Variants in FOLH1 observed in about 807,000 individuals in gnomAD.
The protein encoded by FOLH1 is glutamate carboxypeptidase 2.
Under a neutral mutation model 93.9 loss-of-function variants are expected in FOLH1, and 54 were observed. That is an observed-to-expected ratio of 0.57 (90% CI 0.46 to 0.72). FOLH1 has a LOEUF of 0.72. FOLH1 is among the 30% of genes least tolerant of loss of function. FOLH1 has a pLI of 0.00. For synonymous variants in FOLH1, 249 were observed against 303.6 expected (o/e 0.82, Z 1.87); for missense variants, 571 against 892.5 (o/e 0.64, Z 4.59).
chr11:49,203,301 G>T (rs1863484456), intron 2 of FOLH1, among the ~76,000 whole-genome samples: 1 of 152,188 alleles, frequency 6.6e-6, no homozygotes. Flanking sequence ...TCAACTGGGT[G>T]TTTTCAAAGA....
intron 2 of FOLH1, among the ~76,000 whole-genome samples, chr11:49,204,579 G>A (rs1590707380): frequency 6.6e-6 from 1 of 152,304 alleles, no homozygotes; most frequent in East Asian, 1.9e-4. Flanking sequence ...ACAACAGGCA[G>A]AGGAGGGTTT....
intron 4 of FOLH1, among the ~76,000 whole-genome samples, chr11:49,187,043 C>A (rs958372821): frequency 1.3e-5 from 2 of 150,674 alleles, no homozygotes; most frequent in Admixed American, 6.6e-5. Flanking sequence ...GCACCCCCCC[C>A]ACACACACAC....
intron 14 of FOLH1, 125 bp downstream of exon 14, chr11:49,157,819 GTAATGCTT>G (rs1857185490): frequency 1.3e-6 from 1 of 782,490 alleles, no homozygotes; most frequent in Admixed American, 3.3e-5. Context: ...GTGAACCAAA[GTAATGCTT>G]TTCTTTATCA....
chr11:49,147,106 T>C (rs1855858549), intron 18 of FOLH1, among the ~76,000 whole-genome samples, 161 bp from the exon 19 acceptor site: 1 of 152,180 alleles, frequency 6.6e-6, no homozygotes, highest in African/African-American at 2.4e-5. Context: ...GACTATTATA[T>C]GAAATCTATA....
chr11:49,194,164 A>G (rs1403158435), intron 3 of FOLH1, among the ~76,000 whole-genome samples: 2 of 151,682 alleles, frequency 1.3e-5, no homozygotes, highest in Admixed American at 6.6e-5. Flanking sequence ...AAGAACAACA[A>G]TATCCTTCAG....
chr11:49,191,967 T>A (rs1346058037), intron 4 of FOLH1, among the ~76,000 whole-genome samples: 1 of 152,266 alleles, frequency 6.6e-6, no homozygotes, highest in Non-Finnish European at 1.5e-5. Flanking sequence ...CCGGCCAACC[T>A]GTTTTTTTAT....
At position 49,157,986 on chromosome 11, in the gene FOLH1, T is replaced by A; in HGVS notation, c.1498A>T (p.Lys500Ter). The change falls in exon 14 of 19, where the codon AAA becomes TAA. Residue 500 changes from lysine to a stop codon, truncating the protein, a stop_gained. Transcript: ENST00000256999. LOFTEE classifies it high-confidence loss of function. ...CCACTGAACTCTGGGGAAGGACTTT[T>A]TTTAGTCCAACTTTCATAAAGAGAT... ...GKSLYESWTK[K>*]SPSPEFSGMP... 2 of 1,601,494 alleles carry A rather than the reference T, an allele frequency of 1.2e-6. No homozygotes were observed. Among genetic ancestry groups the A allele is most frequent in the East Asian group, 4.5e-5 (2 of 44,612 alleles).
chr11:49,171,410 C>A, intron 10 of FOLH1, 133 bp from the exon 11 acceptor site: 2 of 1,236,246 alleles, frequency 1.6e-6, no homozygotes, highest in East Asian at 2.7e-5. Context: ...AGTAAAAAAT[C>A]TTTACTTACG....
intron 3 of FOLH1, among the ~76,000 whole-genome samples, chr11:49,199,563 A>G (rs1863047067): frequency 6.6e-6 from 1 of 151,974 alleles, no homozygotes; most frequent in South Asian, 2.1e-4. Flanking sequence ...GGATCCGTGC[A>G]TTTCCCAGCA....
At chr11:49,163,324 G>A (rs1433013981) in intron 13 of FOLH1, among the ~76,000 whole-genome samples, 1 of 151,946 alleles carries the variant, frequency 6.6e-6, no homozygotes, top group Non-Finnish European at 1.5e-5. Context: ...GATGAGGAAC[G>A]TAGTTGGGGA....
Position 49,146,660 on chromosome 11 carries a change from A to T in FOLH1, c.*96T>A. 7 of 1,156,696 alleles carry T rather than the reference A, an allele frequency of 6.1e-6. No homozygotes were observed. The highest frequency in any genetic ancestry group is 7.1e-6 in the Non-Finnish European group (6 of 842,234). The allele number at this position is 1,156,696 out of a possible 1,614,324, so 71.7% of individuals were successfully genotyped here. ...TATATATAATATTCAACTTTATTTC[A>T]AATATACCAATTTTAAAATTTATCA... On this transcript the variant is annotated 3_prime_UTR_variant, in exon 19 of 19. Transcript: ENST00000256999.
At chr11:49,202,914 T>C (rs1227115193) in intron 2 of FOLH1, among the ~76,000 whole-genome samples, 1 of 152,186 alleles carries the variant, frequency 6.6e-6, no homozygotes, top group Non-Finnish European at 1.5e-5. Context: ...ATGATAATAA[T>C]AATTGAGATA....
intron 6 of FOLH1, among the ~76,000 whole-genome samples, chr11:49,184,930 A>T (rs1176465758): frequency 6.6e-6 from 1 of 152,164 alleles, no homozygotes; most frequent in Non-Finnish European, 1.5e-5. Flanking sequence ...TTTGAATCCA[A>T]CTGCCCATTC....
Position 49,156,760 on chromosome 11 carries a change from C to T in FOLH1, c.1580G>A (p.Arg527Gln), listed in dbSNP as rs1262353651. The T allele has an allele frequency of 2.5e-6, 4 of 1,612,600 alleles. No homozygotes were observed. The highest frequency in any genetic ancestry group is 2.7e-5 in the African/African-American group (2 of 74,828). Residue 527 changes from arginine (R) to glutamine (Q), a missense_variant, in exon 15 of 19, where the codon CGA becomes CAA. Arg to Gln is a conservative substitution (Grantham distance 43, BLOSUM62 1). Transcript: ENST00000256999. Reference sequence around the variant, plus strand: ...TGCTCTGCCTGAAGCAATTCCAAGTCGTTGGAAGAACACCTCAAAATCATT... The same window carrying T: ...TGCTCTGCCTGAAGCAATTCCAAGTTGTTGGAAGAACACCTCAAAATCATT... ...SGNDFEVFFQRLGIASGRARY... is the reference protein window; with the variant it reads ...SGNDFEVFFQQLGIASGRARY...
At chr11:49,206,381 A>C (rs1863957766) in intron 1 of FOLH1, 1 of 893,144 alleles carries the variant, frequency 1.1e-6, no homozygotes, top group Non-Finnish European at 1.7e-6. Flanking sequence ...ACCAATTGCA[A>C]AATATTTCTT....
chr11:49,207,678 C>A lies in FOLH1; in HGVS notation c.118+614G>T, dbSNP rs181038460. 5.4e-3 allele frequency: 1,859 copies of A among 346,220 alleles called. 9 individuals are homozygous for A. Among genetic ancestry groups the A allele is most frequent in the Middle Eastern group, 0.014 (14 of 988 alleles). The allele number at this position is 346,220 out of a possible 1,614,324, so 21.4% of individuals were successfully genotyped here. A position where few individuals can be genotyped will look rare whatever the true frequency, so the allele number is the denominator to read the frequency against. ...CCTCATCATAAAATAGGGTAACTAA[C>A]GCTGAGAGGGACTCGGTAACTTGTT... On this transcript the variant is annotated intron_variant, in intron 1 of 18. Coordinates refer to ENST00000256999, the MANE Select transcript of FOLH1 (RefSeq NM_004476.3).
chr11:49,160,514 C>T (rs1857573240), intron 13 of FOLH1, among the ~76,000 whole-genome samples: 1 of 151,962 alleles, frequency 6.6e-6, no homozygotes, highest in Admixed American at 6.6e-5. Flanking sequence ...GTGATCTCAG[C>T]TCACTGCAAC....
rs2134952199 is a variant in FOLH1, at chr11:49,158,980, T to C, written c.1441-937A>G. ...ATGCTAGCAATTTTTGTACATTGAT[T>C]TTGTATCCTGAGACTGCTATAGTTG... On this transcript the variant is annotated intron_variant, in intron 13 of 18. Transcript: ENST00000256999. Among the ~76,000 whole-genome samples the C allele has an allele frequency of 2.0e-5, 3 of 152,328 alleles. No individual in the cohort carries two copies. The South Asian group carries it at 6.2e-4, about 32-fold the overall frequency.
chr11:49,186,497 T>C (rs1451582407), intron 5 of FOLH1, 147 bp downstream of exon 5: 4 of 960,936 alleles, frequency 4.2e-6, no homozygotes, highest in African/African-American at 1.7e-5. Flanking sequence ...ACCTAGTAAA[T>C]GTGTCCTCTC....
Sources: allele counts gnomAD v4.1 joint callset (sites outside exome capture counted in the v4.1 genomes callset), GRCh38; gene constraint gnomAD v4.1.1; transcripts MANE v1.5; gene names NCBI Gene and HGNC (gene_info 2026-07-23, HGNC 2026-07-21).